Variants in ZNF652 observed in about 807,000 individuals in gnomAD.
ZNF652 encodes zinc finger protein 652.
In ZNF652, 16 loss-of-function variants were observed where a neutral mutation model predicts 45.2. The ratio of observed to expected loss-of-function variants is 0.35; its 90% confidence interval spans 0.24 to 0.54. The LOEUF is 0.54. Among genes scored for constraint, ZNF652 ranks in the 20% least tolerant of loss-of-function variants. The probability of loss-of-function intolerance (pLI) is 0.91; values close to 1 mark genes in which losing one functional copy is unlikely to be tolerated. For synonymous variants in ZNF652, 250 were observed against 260.6 expected, an observed-to-expected ratio of 0.96 and a Z score of 0.39; for missense variants, 614 against 765.6, an observed-to-expected ratio of 0.80 and a Z score of 2.34.
chr17:49,298,743 G>T lies in ZNF652; in HGVS notation c.1491C>A (p.Pro497=). Residue 497 remains proline, a synonymous_variant, in exon 6 of 6, where the codon CCC becomes CCA. Coordinates refer to ENST00000430262, the MANE Select transcript of ZNF652 (RefSeq NM_001145365.3). ...HKEKCFRVTS[P]VNVPPAVQIP... is the part of the protein sequence containing the mutation. ...TCTGGACAGCAGGTGGCACATTCAC[G>T]GGGCTGGTCACCCGAAAGCACTTCT... 1 of 1,614,080 alleles carries T rather than the reference G, an allele frequency of 6.2e-7. No individual in the cohort carries two copies. The highest frequency in any genetic ancestry group is 8.5e-7 in the Non-Finnish European group (1 of 1,180,016).
At chr17:49,302,354 T>C (rs1179405306) in intron 5 of ZNF652, among the ~76,000 whole-genome samples, 1 of 144,166 alleles carries the variant, frequency 6.9e-6, no homozygotes, top group Non-Finnish European at 1.5e-5. Flanking sequence ...AGTGGTGCAA[T>C]CTCGGCTCAC....
In ZNF652 at chr17:49,303,240, C is replaced by T. The variant is rs979579557; in HGVS notation, c.1310-4316G>A. On this transcript the variant is annotated intron_variant, in intron 5 of 5. Coordinates refer to ENST00000430262, the MANE Select transcript of ZNF652 (RefSeq NM_001145365.3). ...ATCATGGGTGATGTTTTATTCTTTACGCTTATCTTTTTTTTTTTGAGACAG... is the reference window on the plus strand; with the variant it reads ...ATCATGGGTGATGTTTTATTCTTTATGCTTATCTTTTTTTTTTTGAGACAG... Among the ~76,000 whole-genome samples the T allele has an allele frequency of 1.0e-4, 8 of 79,904 alleles. 1 individual carries two copies. The highest frequency in any genetic ancestry group is 1.3e-3 in the South Asian group (2 of 1,482). 52.4% of individuals were successfully genotyped at this position (79,904 alleles called of 152,430 possible).
chr17:49,350,240 T>TA lies in ZNF652; in HGVS notation c.-259+11668dup, dbSNP rs879321117. ...TGTAAATTTAAGATTATTCCAAAAA[T>TA]AAAAAAAAAAAAGTGTAAGCTGGGC... On this transcript the variant is annotated intron_variant, in intron 1 of 5. Coordinates refer to ENST00000430262, the MANE Select transcript of ZNF652 (RefSeq NM_001145365.3). Among the ~76,000 whole-genome samples, 965 of 141,408 alleles carry TA rather than the reference T, an allele frequency of 6.8e-3. 7 individuals carry two copies. The highest frequency in any genetic ancestry group is 0.02 in the African/African-American group (763 of 38,684). The allele number at this position is 141,408 out of a possible 152,430, so 92.8% of individuals were successfully genotyped here.
At position 49,293,993 on chromosome 17, in the gene ZNF652, G is replaced by A. The variant is rs1232714746; in HGVS notation, c.*4420C>T. Among the ~76,000 whole-genome samples the A allele has an allele frequency of 1.3e-5, 2 of 151,916 alleles. No individual in the cohort carries two copies. Among genetic ancestry groups the A allele is most frequent in the East Asian group, 1.9e-4 (1 of 5,182 alleles). ...AGTTTTTTTTTAAAACATTAAAACC[G>A]ACCTATCATTCTGTGTTTTACTAAC... On this transcript the variant is annotated 3_prime_UTR_variant, in exon 6 of 6. Coordinates refer to ENST00000430262, the MANE Select transcript of ZNF652 (RefSeq NM_001145365.3).
Position 49,316,878 on chromosome 17 carries a change from A to G in ZNF652, c.848T>C (p.Leu283Pro), listed in dbSNP as rs2069812428. 1 of 1,614,018 alleles carries G rather than the reference A, an allele frequency of 6.2e-7. No homozygotes were observed. Among genetic ancestry groups the G allele is most frequent in the South Asian group, 1.1e-5 (1 of 91,082 alleles). ...CTGGTGAAGGGACAGCTCACTTTCC[A>G]GGACAAACTTCTTGCCACATTTATC... is the stretch of plus-strand genomic sequence containing the variant. ...ICDKCGKKFV[L>P]ESELSLHQQT... is the part of the protein sequence containing the mutation. The change falls in exon 2 of 6, where the codon CTG becomes CCG. Residue 283 changes from leucine (L) to proline (P), a missense_variant. By Grantham distance (98) the Leu-to-Pro change is moderately conservative. Coordinates refer to ENST00000430262, the MANE Select transcript of ZNF652 (RefSeq NM_001145365.3).
intron 1 of ZNF652, among the ~76,000 whole-genome samples, chr17:49,341,314 C>T (rs1328285475): frequency 4.6e-5 from 7 of 151,498 alleles, no homozygotes; most frequent in Admixed American, 4.6e-4. Flanking sequence ...TTTCAGAGCA[C>T]ATCAACTGAA....
At position 49,317,672 on chromosome 17, in the gene ZNF652, A is replaced by G; in HGVS notation, c.54T>C (p.His18=). The G allele has an allele frequency of 6.2e-7, 1 of 1,611,474 alleles. No individual in the cohort carries two copies. Among genetic ancestry groups the G allele is most frequent in the Non-Finnish European group, 8.5e-7 (1 of 1,177,784 alleles). Residue 18 remains histidine (H), a synonymous_variant, in exon 2 of 6, where the codon CAT becomes CAC. Transcript: ENST00000430262. Reference sequence around the variant, plus strand: ...TATCTTCTTGTGCCATTCCTGCTACATGCACAGCACAGTTTTCAACCAGCT... The same window carrying G: ...TATCTTCTTGTGCCATTCCTGCTACGTGCACAGCACAGTTTTCAACCAGCT... ...CQELVENCAV[H]VAGMAQEDSR...
intron 1 of ZNF652, among the ~76,000 whole-genome samples, chr17:49,326,407 C>G (rs2069957378): frequency 6.6e-6 from 1 of 152,084 alleles, no homozygotes; most frequent in Non-Finnish European, 1.5e-5. Flanking sequence ...TGTTCAAGAC[C>G]AAAGTGATCT....
rs573860882 is a variant in ZNF652 at position 49,339,620 on chromosome 17, C to A, written c.-258-21637G>T. Among the ~76,000 whole-genome samples, 38 of 152,298 alleles carry A rather than the reference C, an allele frequency of 2.5e-4. No individual in the cohort carries two copies. In the South Asian group the frequency reaches 7.9e-3, roughly 32 times the overall value. ...GAAGCTGCTAGTCAGTGACATCCGA[C>A]ATTATCTTCACTGGCTACTCGTCCA... On this transcript the variant is annotated intron_variant, in intron 1 of 5. Transcript: ENST00000430262.
chr17:49,298,236 T>G lies in ZNF652; in HGVS notation c.*177A>C. 1.3e-6 allele frequency: 1 copy of G among 776,094 alleles called. No homozygotes were observed. 48.1% of individuals were successfully genotyped at this position (776,094 alleles called of 1,614,324 possible). A position where few individuals can be genotyped will look rare whatever the true frequency, so the allele number is the denominator to read the frequency against. Reference sequence around the variant, plus strand: ...CCTGGTTTAGATGACAGTCCCTCTGTGAGCTCAAGGTAGTCTTCTTGTTCA... The same window carrying G: ...CCTGGTTTAGATGACAGTCCCTCTGGGAGCTCAAGGTAGTCTTCTTGTTCA... On this transcript the variant is annotated 3_prime_UTR_variant, in exon 6 of 6. Transcript: ENST00000430262.
At chr17:49,312,612 C>G in intron 3 of ZNF652, 86 bp downstream of exon 3, 1 of 1,445,696 alleles carries the variant, frequency 6.9e-7, no homozygotes, top group Non-Finnish European at 9.4e-7. Flanking sequence ...TAGGGCAATT[C>G]CTCATATCCT....
intron 2 of ZNF652, 117 bp from the exon 3 acceptor site, chr17:49,312,962 G>C: frequency 1.0e-6 from 1 of 980,260 alleles, no homozygotes; most frequent in Non-Finnish European, 1.5e-6. Flanking sequence ...ATCCAGATAA[G>C]TGCTATTCTT....
chr17:49,338,497 C>T (rs1208090124), intron 1 of ZNF652, among the ~76,000 whole-genome samples: 1 of 152,176 alleles, frequency 6.6e-6, no homozygotes, highest in Non-Finnish European at 1.5e-5. Flanking sequence ...CAGATTTAAA[C>T]CAACCCTAGA....
At chr17:49,326,856 C>T (rs764594355) in intron 1 of ZNF652, among the ~76,000 whole-genome samples, 1 of 152,184 alleles carries the variant, frequency 6.6e-6, no homozygotes, top group African/African-American at 2.4e-5. Flanking sequence ...AGAGCAACGT[C>T]TGGACCCAAT....
intron 5 of ZNF652, among the ~76,000 whole-genome samples, chr17:49,306,625 T>C (rs1466795826): frequency 6.6e-6 from 1 of 152,164 alleles, no homozygotes; most frequent in Non-Finnish European, 1.5e-5. Context: ...GGAGTATATG[T>C]GGAGGGCATT....
At chr17:49,319,329 T>TA (rs1347268230) in intron 1 of ZNF652, among the ~76,000 whole-genome samples, 1 of 148,776 alleles carries the variant, frequency 6.7e-6, no homozygotes, top group African/African-American at 2.5e-5. Context: ...GGGGTTGAAT[T>TA]TTTTTTTTTT....
intron 5 of ZNF652, among the ~76,000 whole-genome samples, chr17:49,305,888 C>A (rs2069622283): frequency 6.6e-6 from 1 of 152,186 alleles, no homozygotes; most frequent in African/African-American, 2.4e-5. Flanking sequence ...AAGAAACAGT[C>A]CAATACTGTC....
chr17:49,347,264 G>C (rs964943945), intron 1 of ZNF652, among the ~76,000 whole-genome samples: 1 of 152,116 alleles, frequency 6.6e-6, no homozygotes, highest in Non-Finnish European at 1.5e-5. Context: ...ACAAATTATA[G>C]AATTAAACAT....
In ZNF652 at chr17:49,349,612, T is replaced by G. The variant is rs932955600; in HGVS notation, c.-259+12297A>C. On this transcript the variant is annotated intron_variant, in intron 1 of 5. Coordinates refer to ENST00000430262, the MANE Select transcript of ZNF652 (RefSeq NM_001145365.3). ...TTTCTCAGAGCAAGACATGAAACCA[T>G]CCTGCAGAGAAGACTCTTGACTACT... Among the ~76,000 whole-genome samples the G allele has an allele frequency of 2.6e-5, 4 of 152,334 alleles. No individual in the cohort carries two copies. In the East Asian group the frequency reaches 7.7e-4, roughly 29 times the overall value.
Sources: allele counts gnomAD v4.1 joint callset (sites outside exome capture counted in the v4.1 genomes callset), GRCh38; gene constraint gnomAD v4.1.1; transcripts MANE v1.5; gene names NCBI Gene and HGNC (gene_info 2026-07-23, HGNC 2026-07-21).